The following NHSL2 variants were observed in gnomAD, a reference collection of about 807,000 sequenced individuals.
NHSL2 encodes the protein NHS-like protein 2.
Under a neutral mutation model 53.4 loss-of-function variants are expected in NHSL2, and 27 were observed. The observed-to-expected ratio is 0.51, with a 90% confidence interval of 0.37 to 0.70. The LOEUF is 0.70. Among genes scored for constraint, NHSL2 ranks in the 30% least tolerant of loss-of-function variants. NHSL2 has a pLI of 0.00. For missense variants in NHSL2, 892 were observed against 980.1 expected, an observed-to-expected ratio of 0.91 and a Z score of 1.20; for synonymous variants, 408 against 404.1, an observed-to-expected ratio of 1.01 and a Z score of -0.12.
rs73563870 is a variant in NHSL2 at position 72,065,430 on chromosome X, A to T, written c.281-66649A>T. 2.7e-5 allele frequency among the ~76,000 whole-genome samples: 3 copies of T among 112,257 alleles called. No homozygotes were observed. In the Middle Eastern group the frequency reaches 0.014, roughly 517 times the overall value. Reference sequence around the variant, plus strand: ...ATGTTTAAGGACAAATGAGAGGCTCAGCCAGCCAGAACTGAAGGTATTGAG... The same window carrying T: ...ATGTTTAAGGACAAATGAGAGGCTCTGCCAGCCAGAACTGAAGGTATTGAG... On this transcript the variant is annotated intron_variant, in intron 1 of 7. Coordinates refer to ENST00000633930, the MANE Select transcript of NHSL2 (RefSeq NM_001013627.3).
intron 1 of NHSL2, among the ~76,000 whole-genome samples, chrX:72,079,122 A>G (rs2041768639): frequency 8.9e-6 from 1 of 112,778 alleles, no homozygotes; most frequent in East Asian, 2.8e-4. Context: ...TCCATCGCCC[A>G]TGCTCATTTT....
chrX:72,008,262 T>C (rs1397525361), intron 1 of NHSL2, among the ~76,000 whole-genome samples: 1 of 112,873 alleles, frequency 8.9e-6, no homozygotes, highest in African/African-American at 3.2e-5. Context: ...TGCTCAGTGG[T>C]TGGACGTGTT....
chrX:72,038,369 A>G (rs1173052843), intron 1 of NHSL2, among the ~76,000 whole-genome samples: 1 of 112,403 alleles, frequency 8.9e-6, no homozygotes, highest in Non-Finnish European at 1.9e-5. Flanking sequence ...AGTCAATTAT[A>G]AACTCTTTCA....
intron 5 of NHSL2, 79 bp downstream of exon 5, chrX:72,137,304 G>T (rs973243604): frequency 1.0e-6 from 1 of 980,308 alleles, no homozygotes; most frequent in Non-Finnish European, 1.4e-6. Context: ...TGGTACTGTG[G>T]TGATGGGGAA....
chrX:72,029,556 G>A (rs750212195), intron 1 of NHSL2, among the ~76,000 whole-genome samples: 2 of 112,858 alleles, frequency 1.8e-5, no homozygotes, highest in East Asian at 5.6e-4. Context: ...CACTGTGGCT[G>A]CTCCTGCCTC....
At chrX:71,957,102 A>T (rs1230917775) in intron 1 of NHSL2, among the ~76,000 whole-genome samples, 1 of 112,161 alleles carries the variant, frequency 8.9e-6, no homozygotes, top group Non-Finnish European at 1.9e-5. Flanking sequence ...AGTACCAGGT[A>T]CGGACAAATG....
At chrX:71,938,053 C>T (rs2041747484) in intron 1 of NHSL2, among the ~76,000 whole-genome samples, 1 of 112,238 alleles carries the variant, frequency 8.9e-6, no homozygotes. Context: ...CTGTAATGGG[C>T]CAAGAAGTGA....
chrX:72,122,789 T>A (rs1258705503), intron 1 of NHSL2, among the ~76,000 whole-genome samples: 1 of 112,250 alleles, frequency 8.9e-6, no homozygotes, highest in Non-Finnish European at 1.9e-5. Context: ...TGTCCACACC[T>A]CCAACCTTAT....
At chrX:72,096,919 A>G (rs1195760134) in intron 1 of NHSL2, among the ~76,000 whole-genome samples, 2 of 112,191 alleles carry the variant, frequency 1.8e-5, no homozygotes, top group East Asian at 5.6e-4. Flanking sequence ...CACCATGCCT[A>G]GAAATGATAC....
chrX:71,979,008 G>T (rs1490803043), intron 1 of NHSL2, among the ~76,000 whole-genome samples: 1 of 104,051 alleles, frequency 9.6e-6, no homozygotes, highest in African/African-American at 3.6e-5. Context: ...GAGAACATGC[G>T]GTGTTTGGTT....
chrX:71,977,152 CCCCA>C (rs2041951980), intron 1 of NHSL2, among the ~76,000 whole-genome samples: 1 of 111,534 alleles, frequency 9.0e-6, no homozygotes, highest in African/African-American at 3.3e-5. Context: ...CAGTTAGGTG[CCCCA>C]GATGGAGAAA....
At chrX:72,042,296 A>G (rs1449111483) in intron 1 of NHSL2, among the ~76,000 whole-genome samples, 1 of 112,684 alleles carries the variant, frequency 8.9e-6, no homozygotes, top group African/African-American at 3.2e-5. Flanking sequence ...TGTTTTTGAA[A>G]CAAAAACCTG....
chrX:72,044,823 G>A lies in NHSL2; in HGVS notation c.281-87256G>A, dbSNP rs982949459. On this transcript the variant is annotated intron_variant, in intron 1 of 7. Transcript: ENST00000633930. Reference sequence around the variant, plus strand: ...GGAATCGATCTCGTGAAGCCTGCAAGGACCGAACACCCCCACCCCGATTTA... The same window carrying A: ...GGAATCGATCTCGTGAAGCCTGCAAAGACCGAACACCCCCACCCCGATTTA... The A allele has an allele frequency of 2.3e-5, 26 of 1,110,294 alleles. No homozygotes were observed. In the East Asian group the frequency reaches 7.5e-4, roughly 32 times the overall value. The allele number at this position is 1,110,294 out of a possible 1,213,427, so 91.5% of individuals were successfully genotyped here.
chrX:71,943,966 G>A (rs147210440), intron 1 of NHSL2, among the ~76,000 whole-genome samples: 2 of 112,078 alleles, frequency 1.8e-5, no homozygotes, highest in African/African-American at 6.5e-5. Flanking sequence ...CAGGAAGAAG[G>A]AGCAAAGGTT....
intron 1 of NHSL2, among the ~76,000 whole-genome samples, chrX:72,112,231 T>C (rs193164705): frequency 1.8e-5 from 2 of 109,842 alleles, no homozygotes; most frequent in East Asian, 5.8e-4. Flanking sequence ...TCAGGCCTTA[T>C]AGATCATGGT....
chrX:72,011,012 TA>T (rs1207898584), intron 1 of NHSL2, among the ~76,000 whole-genome samples: 1 of 112,558 alleles, frequency 8.9e-6, no homozygotes, highest in Non-Finnish European at 1.9e-5. Context: ...GGTTATGTAG[TA>T]AAATAGAATC....
intron 1 of NHSL2, among the ~76,000 whole-genome samples, chrX:71,999,679 A>G (rs2042064476): frequency 8.9e-6 from 1 of 112,186 alleles, no homozygotes; most frequent in African/African-American, 3.2e-5. Context: ...AGTTTTGATC[A>G]ATGTTTTATA....
chrX:71,974,977 G>C (rs2041942056), intron 1 of NHSL2, among the ~76,000 whole-genome samples: 1 of 112,139 alleles, frequency 8.9e-6, no homozygotes, highest in African/African-American at 3.2e-5. Context: ...GGACTCCAAA[G>C]AGAAGATTCA....
At chrX:72,124,433 C>A (rs2042205906) in intron 1 of NHSL2, among the ~76,000 whole-genome samples, 1 of 111,514 alleles carries the variant, frequency 9.0e-6, no homozygotes, top group African/African-American at 3.3e-5. Context: ...TGTGCTAGAA[C>A]TGGATCTGTG....
Sources: gnomAD v4.1 joint callset for allele counts (sites outside exome capture counted in the v4.1 genomes callset) on GRCh38, gnomAD v4.1.1 for gene constraint, MANE v1.5 for transcripts, NCBI Gene and HGNC (gene_info 2026-07-23, HGNC 2026-07-21) for gene names.